The following PTPRG variants were observed in gnomAD, a reference collection of about 807,000 sequenced individuals.
PTPRG encodes the protein protein tyrosine phosphatase receptor type G.
Under a neutral mutation model 165.3 loss-of-function variants are expected in PTPRG, and 102 were observed. That is an observed-to-expected ratio of 0.62 (90% confidence interval 0.53 to 0.73). PTPRG has a LOEUF of 0.73. Among genes scored for constraint, PTPRG ranks in the 30% least tolerant of loss-of-function variants. The pLI, the probability that PTPRG is intolerant of heterozygous loss-of-function variation, is 0.00. For synonymous variants in PTPRG, 675 were observed against 669.5 expected, an observed-to-expected ratio of 1.01 and a Z score of -0.13; for missense variants, 1,866 against 1,861.4, an observed-to-expected ratio of 1.00 and a Z score of -0.05.
intron 2 of PTPRG, among the ~76,000 whole-genome samples, chr3:61,973,798 A>C (rs1250598337): frequency 6.6e-6 from 1 of 151,984 alleles, no homozygotes; most frequent in Admixed American, 6.6e-5. Context: ...GCTTCTCTGC[A>C]CTCCAGCCTT....
rs146629061 is a variant in PTPRG at position 62,141,561 on chromosome 3, T to A, written c.682+8893T>A. On this transcript the variant is annotated intron_variant, in intron 6 of 29. Transcript: ENST00000474889. ...GTTTAGTGAGCCAAGATTGTGCCAC[T>A]GCACTCCAGTCTGGGTGACAGAGCG... Among the ~76,000 whole-genome samples the A allele has an allele frequency of 1.5e-3, 224 of 152,244 alleles. No homozygotes were observed. In the Middle Eastern group the frequency reaches 0.017, roughly 12 times the overall value.
chr3:61,848,966 C>CA (rs147265108), intron 2 of PTPRG, among the ~76,000 whole-genome samples: 1 of 152,314 alleles, frequency 6.6e-6, no homozygotes, highest in East Asian at 1.9e-4. Context: ...GATATCACAG[C>CA]AAAAGTTCCT....
chr3:61,965,627 ATTC>A (rs1386441785), intron 2 of PTPRG, among the ~76,000 whole-genome samples: 3 of 152,044 alleles, frequency 2.0e-5, no homozygotes, highest in Non-Finnish European at 4.4e-5. Flanking sequence ...TCATTCATTC[ATTC>A]TTCTACAAGT....
chr3:62,228,513 C>CAAA lies in PTPRG; in HGVS notation c.2289-2702_2289-2700dup, dbSNP rs1277257567. On this transcript the variant is annotated intron_variant, in intron 13 of 29. Coordinates refer to ENST00000474889, the MANE Select transcript of PTPRG (RefSeq NM_002841.4). This position sits in a 1 kb window ranked among gnomAD's most constrained non-coding sequence, Gnocchi z 4.1. ...TGGGCAACAGAGCAAAACTCCATCT[C>CAAA]AAAAAAAAAAAAGAAAGAAAGAAAA... Among the ~76,000 whole-genome samples the CAAA allele has an allele frequency of 8.0e-4, 89 of 111,742 alleles. No individual in the cohort carries two copies. Among genetic ancestry groups the CAAA allele is most frequent in the African/African-American group, 2.7e-3 (80 of 29,714 alleles). 73.3% of individuals were successfully genotyped at this position (111,742 alleles called of 152,430 possible).
At chr3:62,168,324 T>C (rs1010245372) in intron 8 of PTPRG, among the ~76,000 whole-genome samples, 161 bp downstream of exon 8, 1 of 152,212 alleles carries the variant, frequency 6.6e-6, no homozygotes, top group Non-Finnish European at 1.5e-5. Context: ...GGAGCAGGTG[T>C]GGGAATATAT....
At chr3:62,063,289 C>T (rs1700881241) in intron 4 of PTPRG, among the ~76,000 whole-genome samples, 1 of 152,204 alleles carries the variant, frequency 6.6e-6, no homozygotes, top group Non-Finnish European at 1.5e-5. Flanking sequence ...GGATTTTGAA[C>T]TATGATCAAA....
rs539359610 is a variant in PTPRG, at chr3:62,228,485, G to T, written c.2289-2740G>T. 6.6e-6 allele frequency among the ~76,000 whole-genome samples: 1 copy of T among 150,798 alleles called. No individual in the cohort carries two copies. Among genetic ancestry groups the T allele is most frequent in the Non-Finnish European group, 1.5e-5 (1 of 67,802 alleles). On this transcript the variant is annotated intron_variant, in intron 13 of 29. Transcript: ENST00000474889. The surrounding 1 kb of genome is among the most constrained non-coding windows in gnomAD (Gnocchi z 4.1). ...GTGGAGATCACGCCATTGCACTCCA[G>T]CCTGGGCAACAGAGCAAAACTCCAT...
At chr3:62,153,854 C>A (rs1349763365) in intron 6 of PTPRG, among the ~76,000 whole-genome samples, 1 of 152,188 alleles carries the variant, frequency 6.6e-6, no homozygotes, top group Non-Finnish European at 1.5e-5. Flanking sequence ...TCTCCAGCAG[C>A]AACCCTTGAA....
At chr3:62,094,122 A>G (rs922945775) in intron 5 of PTPRG, among the ~76,000 whole-genome samples, 4 of 152,290 alleles carry the variant, frequency 2.6e-5, no homozygotes, top group South Asian at 2.1e-4. Context: ...GAGATATTCA[A>G]TGATTTGCCC....
At chr3:61,907,826 A>C (rs1472279814) in intron 2 of PTPRG, among the ~76,000 whole-genome samples, 4 of 152,158 alleles carry the variant, frequency 2.6e-5, no homozygotes, top group Non-Finnish European at 5.9e-5. Context: ...GAAGGAACTT[A>C]TAAAGTCAGT....
intron 13 of PTPRG, among the ~76,000 whole-genome samples, chr3:62,230,098 CAAG>C (rs1700859585): frequency 6.6e-6 from 1 of 152,190 alleles, no homozygotes; most frequent in Admixed American, 6.5e-5. Flanking sequence ...TAGAGGGAGA[CAAG>C]AAGTTCTGTG....
chr3:61,817,754 T>C (rs615854), intron 2 of PTPRG, among the ~76,000 whole-genome samples: 45,046 of 151,970 alleles, frequency 0.3, 7,021 homozygotes, highest in East Asian at 0.57. Flanking sequence ...GGGATGTGCA[T>C]TGAAGAGTAG....
intron 19 of PTPRG, among the ~76,000 whole-genome samples, chr3:62,268,508 CAAAAAT>C (rs1701958896): frequency 1.3e-5 from 2 of 151,890 alleles, no homozygotes; most frequent in South Asian, 2.1e-4. Flanking sequence ...TAAAAACAAA[CAAAAAT>C]AAAAATAAAT....
chr3:61,997,033 C>T (rs980017067), intron 3 of PTPRG, among the ~76,000 whole-genome samples: 7 of 152,196 alleles, frequency 4.6e-5, no homozygotes, highest in East Asian at 1.9e-4. Flanking sequence ...CTGCTAGACT[C>T]CTCCATCTTT....
At chr3:62,092,439 G>GAAAAAAAAAAAAAAAAAAAAAAAA (rs55955359) in intron 5 of PTPRG, among the ~76,000 whole-genome samples, 1 of 89,436 alleles carries the variant, frequency 1.1e-5, no homozygotes, top group Non-Finnish European at 2.1e-5. Context: ...GAGTCCATCT[G>GAAAAAAAAAAAAAAAAAAAAAAAA]AAAAAAAAAA....
At chr3:62,248,054 T>C in intron 15 of PTPRG, among the ~76,000 whole-genome samples, 1 of 152,120 alleles carries the variant, frequency 6.6e-6, no homozygotes, top group East Asian at 1.9e-4. Flanking sequence ...CTAACACTTA[T>C]GCAAAATATG....
At chr3:61,817,592 C>G (rs2035824808) in intron 2 of PTPRG, among the ~76,000 whole-genome samples, 1 of 152,124 alleles carries the variant, frequency 6.6e-6, no homozygotes, top group African/African-American at 2.4e-5. Context: ...TGAGGTATCT[C>G]CATCAGTCTC....
intron 4 of PTPRG, among the ~76,000 whole-genome samples, chr3:62,046,354 C>T (rs865885796): frequency 3.9e-5 from 6 of 152,134 alleles, no homozygotes; most frequent in Non-Finnish European, 8.8e-5. Flanking sequence ...CTGTTTTTCT[C>T]CCTTCTGTGT....
At chr3:61,642,914 C>G (rs1451841541) in intron 1 of PTPRG, among the ~76,000 whole-genome samples, 2 of 152,126 alleles carry the variant, frequency 1.3e-5, no homozygotes, top group African/African-American at 4.8e-5. Context: ...TTGTTTGCCC[C>G]TGACAGTAGA....
Sources: gnomAD v4.1 joint callset for allele counts (sites outside exome capture counted in the v4.1 genomes callset) on GRCh38, gnomAD v4.1.1 for gene constraint, Gnocchi (gnomAD v3.1) non-coding constraint, MANE v1.5 for transcripts, NCBI Gene and HGNC (gene_info 2026-07-23, HGNC 2026-07-21) for gene names.